The following ADCY2 variants were observed in gnomAD, a reference collection of about 807,000 sequenced individuals.
ADCY2 encodes adenylate cyclase 2, also known as adenylate cyclase type 2.
A neutral mutation model predicts 125.2 loss-of-function variants in ADCY2; 31 were observed. The observed-to-expected ratio is 0.25, with a 90% CI of 0.19 to 0.33. ADCY2 has a LOEUF of 0.33. ADCY2 is among the 10% of genes least tolerant of loss of function. The pLI is 1.00. For synonymous variants in ADCY2, 512 were observed against 548.4 expected, an observed-to-expected ratio of 0.93 and a Z score of 0.93; for missense variants, 904 against 1,418.2, an observed-to-expected ratio of 0.64 and a Z score of 5.82.
chr5:7,748,519 A>AAC (rs35989915), intron 15 of ADCY2, among the ~76,000 whole-genome samples: 3,118 of 90,142 alleles, frequency 0.035, 72 homozygotes, highest in African/African-American at 0.083. Flanking sequence ...CCCACCCTCC[A>AAC]ACACACACAC....
At chr5:7,521,060 C>T (rs1301994004) in intron 3 of ADCY2, among the ~76,000 whole-genome samples, 161 bp downstream of exon 3, 1 of 152,206 alleles carries the variant, frequency 6.6e-6, no homozygotes, top group Non-Finnish European at 1.5e-5. Context: ...GAGCCAGCCC[C>T]ACTCCACTGC....
At chr5:7,435,531 A>C (rs1017844750) in intron 2 of ADCY2, among the ~76,000 whole-genome samples, 5 of 152,144 alleles carry the variant, frequency 3.3e-5, no homozygotes, top group African/African-American at 1.2e-4. Flanking sequence ...TGCAGGAAAC[A>C]CTCTCATTGC....
chr5:7,525,145 G>C (rs983693011), intron 3 of ADCY2, among the ~76,000 whole-genome samples: 2 of 152,078 alleles, frequency 1.3e-5, no homozygotes, highest in Non-Finnish European at 2.9e-5. Context: ...TGGGACTACA[G>C]GCACACGCTG....
chr5:7,750,216 G>C (rs954928639), intron 15 of ADCY2, among the ~76,000 whole-genome samples: 1 of 151,944 alleles, frequency 6.6e-6, no homozygotes, highest in Non-Finnish European at 1.5e-5. Flanking sequence ...GACTCCTGGA[G>C]TTTATTCTCT....
intron 5 of ADCY2, among the ~76,000 whole-genome samples, chr5:7,695,305 T>C (rs890266156): frequency 4.6e-5 from 7 of 152,212 alleles, no homozygotes; most frequent in Admixed American, 1.3e-4. Context: ...CGTTTTCCTC[T>C]GTAGCCCTTT....
chr5:7,763,556 C>T (rs1743299533), intron 16 of ADCY2, among the ~76,000 whole-genome samples: 1 of 152,176 alleles, frequency 6.6e-6, no homozygotes, highest in Non-Finnish European at 1.5e-5. Flanking sequence ...AACTGTGTCT[C>T]CATGAAACAC....
intron 2 of ADCY2, among the ~76,000 whole-genome samples, chr5:7,507,957 A>G (rs1743903505): frequency 6.6e-6 from 1 of 152,148 alleles, no homozygotes; most frequent in Non-Finnish European, 1.5e-5. Flanking sequence ...AAGCCTGCTT[A>G]TAAAATATTT....
chr5:7,620,387 T>C (rs576999095), intron 3 of ADCY2, among the ~76,000 whole-genome samples: 1 of 152,324 alleles, frequency 6.6e-6, no homozygotes, highest in East Asian at 1.9e-4. Flanking sequence ...TGTTTCAGTC[T>C]TCTTTATACC....
At chr5:7,803,990 C>T (rs114820647) in intron 21 of ADCY2, among the ~76,000 whole-genome samples, 2,676 of 144,838 alleles carry the variant, frequency 0.018, 101 homozygotes, top group African/African-American at 0.065. Context: ...CTCTTCTGTC[C>T]TGCAAACAGC....
At chr5:7,676,210 T>A (rs1740121736) in intron 4 of ADCY2, among the ~76,000 whole-genome samples, 1 of 152,210 alleles carries the variant, frequency 6.6e-6, no homozygotes, top group Non-Finnish European at 1.5e-5. Flanking sequence ...CATTTAAGGA[T>A]CTTCTGCTCT....
chr5:7,594,625 T>G (rs776214673), intron 3 of ADCY2, among the ~76,000 whole-genome samples: 17 of 152,236 alleles, frequency 1.1e-4, no homozygotes, highest in Non-Finnish European at 2.4e-4. Context: ...TATGCATTTG[T>G]TGTTATTGTC....
At chr5:7,673,545 G>A (rs1740013049) in intron 4 of ADCY2, among the ~76,000 whole-genome samples, 1 of 152,090 alleles carries the variant, frequency 6.6e-6, no homozygotes, top group Admixed American at 6.5e-5. Flanking sequence ...ATTGGAGTTG[G>A]GTACTTCATC....
At position 7,802,846 on chromosome 5, in the gene ADCY2, T is replaced by C. The variant is rs1234444787; in HGVS notation, c.2775+482T>C. The stretch of plus-strand genomic sequence containing the variant: ...TTTAGGAGGGACAGAGTGTCTGTTT[T>C]AGAATTTGAAATAGATGTTATTTTT... On this transcript the variant is annotated intron_variant, in intron 21 of 24. Transcript: ENST00000338316. This position sits in a 1 kb window ranked among gnomAD's most constrained non-coding sequence, Gnocchi z 4.6. Among the ~76,000 whole-genome samples, 8 of 152,228 alleles carry C rather than the reference T, an allele frequency of 5.3e-5. No homozygotes were observed. Among genetic ancestry groups the C allele is most frequent in the African/African-American group, 1.2e-4 (5 of 41,466 alleles).
intron 2 of ADCY2, among the ~76,000 whole-genome samples, chr5:7,441,057 G>T (rs1740994609): frequency 6.6e-6 from 1 of 152,198 alleles, no homozygotes; most frequent in Non-Finnish European, 1.5e-5. Flanking sequence ...AGAGGCTACA[G>T]TCAGGGTGTA....
At chr5:7,611,286 G>A (rs1737565128) in intron 3 of ADCY2, 1 of 152,128 alleles carries the variant, frequency 6.6e-6, no homozygotes, top group Non-Finnish European at 1.5e-5. Context: ...GAGAAAAGTA[G>A]TTAAATAATG....
chr5:7,809,378 G>A (rs1198538984), intron 22 of ADCY2, among the ~76,000 whole-genome samples: 7 of 152,188 alleles, frequency 4.6e-5, no homozygotes, highest in Non-Finnish European at 7.3e-5. Context: ...TTGATTTGGG[G>A]AAAATAACAT....
intron 22 of ADCY2, among the ~76,000 whole-genome samples, chr5:7,810,015 C>A (rs1238680584): frequency 6.6e-6 from 1 of 152,208 alleles, no homozygotes; most frequent in African/African-American, 2.4e-5. Flanking sequence ...TGAGAGTTTG[C>A]CCATCTCAAT....
chr5:7,757,708 C>G, intron 16 of ADCY2, 122 bp downstream of exon 16: 1 of 1,367,450 alleles, frequency 7.3e-7, no homozygotes, highest in East Asian at 2.5e-5. Flanking sequence ...TAGCTGTGTT[C>G]AACATGCTCA....
chr5:7,649,440 T>C (rs732433), intron 4 of ADCY2, among the ~76,000 whole-genome samples: 1,670 of 152,370 alleles, frequency 0.011, 34 homozygotes, highest in African/African-American at 0.038. Flanking sequence ...TACTAGCATG[T>C]ACATTTCTAG....
Sources: allele counts gnomAD v4.1 joint callset (sites outside exome capture counted in the v4.1 genomes callset), GRCh38; gene constraint gnomAD v4.1.1; non-coding constraint Gnocchi (gnomAD v3.1); transcripts MANE v1.5; gene names NCBI Gene and HGNC (gene_info 2026-07-23, HGNC 2026-07-21).